The following POLR3E variants were observed in gnomAD, a reference collection of about 807,000 sequenced individuals.
POLR3E encodes DNA-directed RNA polymerase III subunit RPC5.
A neutral mutation model predicts 96.6 loss-of-function variants in POLR3E; 41 were observed. The ratio of observed to expected loss-of-function variants is 0.42; its 90% confidence interval spans 0.33 to 0.55. The LOEUF is 0.55. Ranked by LOEUF, POLR3E falls within the 20% of genes least tolerant of loss-of-function variation. The pLI is 0.06. For missense variants in POLR3E, 849 were observed against 952.1 expected (o/e 0.89, Z 1.43); for synonymous variants, 396 against 383.6 (o/e 1.03, Z -0.38).
chr16:22,321,527 A>G (rs536576391), intron 13 of POLR3E, among the ~76,000 whole-genome samples: 1 of 152,330 alleles, frequency 6.6e-6, no homozygotes, highest in African/African-American at 2.4e-5. Flanking sequence ...CGCGTATTAC[A>G]TAGGACCACG....
chr16:22,309,171 G>A, intron 5 of POLR3E, 131 bp downstream of exon 5: 1 of 687,466 alleles, frequency 1.5e-6, no homozygotes, highest in Non-Finnish European at 2.5e-6. Flanking sequence ...TTGGAGGGCT[G>A]GGCCTGTCTC....
intron 3 of POLR3E, among the ~76,000 whole-genome samples, chr16:22,306,663 A>G (rs1000681259): frequency 6.6e-6 from 1 of 152,264 alleles, no homozygotes; most frequent in Non-Finnish European, 1.5e-5. Context: ...TTTGGCTATT[A>G]TAAATAATGC....
rs2048184682 is a variant in POLR3E at position 22,308,810 on chromosome 16, G to T, written c.166-115G>T. The T allele has an allele frequency of 1.7e-5, 11 of 654,024 alleles. No individual in the cohort carries two copies. In the South Asian group the frequency reaches 2.1e-4, roughly 12 times the overall value. The allele number at this position is 654,024 out of a possible 1,614,324, so 40.5% of individuals were successfully genotyped here. A position where few individuals can be genotyped will look rare whatever the true frequency, so the allele number is the denominator to read the frequency against. On this transcript the variant is annotated intron_variant, in intron 4 of 20. Transcript: ENST00000299853. ...CAGGGGCCCTTGGGGACATGTGTCA[G>T]TCTCGCTTCCGGGCAGGGTCCTGGT...
At chr16:22,305,701 C>T (rs1944995841) in intron 3 of POLR3E, among the ~76,000 whole-genome samples, 1 of 152,136 alleles carries the variant, frequency 6.6e-6, no homozygotes, top group Non-Finnish European at 1.5e-5. Context: ...CGTCTGTGAG[C>T]CCTCAGTCCT....
intron 2 of POLR3E, among the ~76,000 whole-genome samples, chr16:22,303,906 G>T (rs988774991): frequency 1.3e-5 from 2 of 150,336 alleles, no homozygotes; most frequent in African/African-American, 2.5e-5. Context: ...CTGCCTCTGG[G>T]TTCAAACGAT....
At chr16:22,315,451 G>A (rs539971878) in intron 9 of POLR3E, among the ~76,000 whole-genome samples, 3 of 152,260 alleles carry the variant, frequency 2.0e-5, no homozygotes, top group Admixed American at 1.3e-4. Flanking sequence ...CCCTGGGCAT[G>A]GGCATCTTGC....
At position 22,328,549 on chromosome 16, in the gene POLR3E, G is replaced by A; in HGVS notation, c.1906G>A (p.Val636Met). ...TGCTGCTTCCCCGGATGAGCAGAAGGTGTTTGCCCTCTGGGAGTCTGGAGA... is the reference window on the plus strand; with the variant it reads ...TGCTGCTTCCCCGGATGAGCAGAAGATGTTTGCCCTCTGGGAGTCTGGAGA... ...QTAASPDEQK[V>M]FALWESGDMS... Residue 636 changes from valine (V) to methionine (M), a missense_variant, in exon 19 of 21, where the codon GTG (valine) becomes ATG (methionine). Val to Met is a conservative substitution (Grantham distance 21, BLOSUM62 1). Transcript: ENST00000299853. 6.2e-7 allele frequency: 1 copy of A among 1,614,136 alleles called. No individual in the cohort carries two copies. The highest frequency in any genetic ancestry group is 1.1e-5 in the South Asian group (1 of 91,086).
intron 9 of POLR3E, among the ~76,000 whole-genome samples, chr16:22,315,853 G>C (rs1856446933): frequency 6.6e-6 from 1 of 151,976 alleles, no homozygotes; most frequent in Non-Finnish European, 1.5e-5. Flanking sequence ...TTTTAGTAGA[G>C]ATGGGGTTTT....
At position 22,330,040 on chromosome 16, in the gene POLR3E, G is replaced by C. The variant is rs371600438; in HGVS notation, c.1944+1453G>C. ...CTCAACTATTTTAGGAGACTGTAGA[G>C]ATAGATATGTTACGCCAGTTTTTTT... On this transcript the variant is annotated intron_variant, in intron 19 of 20. Coordinates refer to ENST00000299853, the MANE Select transcript of POLR3E (RefSeq NM_018119.4). Among the ~76,000 whole-genome samples, 258 of 150,420 alleles carry C rather than the reference G, an allele frequency of 1.7e-3. 2 individuals carry two copies. Among genetic ancestry groups the C allele is most frequent in the African/African-American group, 6.0e-3 (246 of 41,046 alleles).
chr16:22,324,782 G>T, intron 16 of POLR3E, 122 bp downstream of exon 16: 1 of 1,111,542 alleles, frequency 9.0e-7, no homozygotes. Context: ...GAGCGCAGTT[G>T]GGCTGGATCT....
intron 20 of POLR3E, 70 bp downstream of exon 20, chr16:22,332,255 C>T: frequency 7.1e-7 from 1 of 1,410,052 alleles, no homozygotes; most frequent in South Asian, 1.2e-5. Flanking sequence ...GTAGAAGGGA[C>T]TCTAGTGTCT....
chr16:22,309,324 G>A, intron 5 of POLR3E, 104 bp from the exon 6 acceptor site: 1 of 920,656 alleles, frequency 1.1e-6, no homozygotes, highest in Non-Finnish European at 1.8e-6. Context: ...TTGGTCCCTG[G>A]CTGTGGCACT....
chr16:22,333,531 T>A, intron 20 of POLR3E, 113 bp from the exon 21 acceptor site: 1 of 753,982 alleles, frequency 1.3e-6, no homozygotes, highest in Non-Finnish European at 2.4e-6. Flanking sequence ...AGTTTTTGAT[T>A]TCCCATTTGT....
chr16:22,313,185 C>T lies in POLR3E; in HGVS notation c.365-435C>T, dbSNP rs977995790. On this transcript the variant is annotated intron_variant, in intron 6 of 20. Coordinates refer to ENST00000299853, the MANE Select transcript of POLR3E (RefSeq NM_018119.4). The surrounding 1 kb of genome is among the most constrained non-coding windows in gnomAD (Gnocchi z 4.1). ...CCTAGTGGAACGGGTGGGATTTTGG[C>T]GGGAAAAGATGGAGGATAAGAAGGA... Among the ~76,000 whole-genome samples, 2 of 151,938 alleles carry T rather than the reference C, an allele frequency of 1.3e-5. No homozygotes were observed. The highest frequency in any genetic ancestry group is 2.4e-5 in the African/African-American group (1 of 41,358).
rs760801732 is a variant in POLR3E at position 22,325,252 on chromosome 16, C to T, written c.1334C>T (p.Pro445Leu). 71 of 1,613,550 alleles carry T rather than the reference C, an allele frequency of 4.4e-5. No individual in the cohort carries two copies. The highest frequency in any genetic ancestry group is 5.5e-5 in the Non-Finnish European group (65 of 1,179,632). ...GTAAAGGAAACCATGCCAAAGAAGC[C>T]GGATGCACAATCAGGTGTGTGAGGG... ...NLVKETMPKK[P>L]DAQSGPAGLV... is the part of the protein sequence containing the mutation. Residue 445 changes from proline (P) to leucine (L), a missense_variant, in exon 17 of 21, where the codon CCG (proline) becomes CTG (leucine). Physicochemically the swap from Pro to Leu is moderately conservative, Grantham distance 98. Coordinates refer to ENST00000299853, the MANE Select transcript of POLR3E (RefSeq NM_018119.4).
intron 18 of POLR3E, chr16:22,327,026 C>T (rs1465909026): frequency 6.5e-6 from 1 of 152,690 alleles, no homozygotes. Flanking sequence ...GACCGTTTCC[C>T]TGCGCTGAGG....
At chr16:22,304,165 C>T (rs2048086905) in intron 2 of POLR3E, among the ~76,000 whole-genome samples, 4 of 152,072 alleles carry the variant, frequency 2.6e-5, no homozygotes, top group Admixed American at 1.3e-4. Flanking sequence ...TTTCAGAATC[C>T]TTTTAACCCA....
intron 8 of POLR3E, 107 bp downstream of exon 8, chr16:22,314,235 A>G: frequency 1.1e-6 from 1 of 874,288 alleles, no homozygotes; most frequent in Non-Finnish European, 1.9e-6. Context: ...GACAGGGCCC[A>G]TGCTTTTGAG....
At chr16:22,300,427 C>T (rs960483492) in intron 1 of POLR3E, among the ~76,000 whole-genome samples, 6 of 152,068 alleles carry the variant, frequency 3.9e-5, no homozygotes, top group African/African-American at 9.6e-5. Flanking sequence ...CTCCAGCTCT[C>T]TAGCTGACAG....
Sources: gnomAD v4.1 joint callset for allele counts (sites outside exome capture counted in the v4.1 genomes callset) on GRCh38, gnomAD v4.1.1 for gene constraint, Gnocchi (gnomAD v3.1) non-coding constraint, MANE v1.5 for transcripts, NCBI Gene and HGNC (gene_info 2026-07-23, HGNC 2026-07-21) for gene names.